Variants in RGSL1 observed in about 807,000 individuals in gnomAD.
RGSL1 encodes the protein regulator of G protein signaling like 1.
RGSL1 carries 97 observed loss-of-function variants against 124.7 expected under a neutral mutation model. The ratio of observed to expected loss-of-function variants is 0.78; its 90% CI spans 0.66 to 0.92. The LOEUF is 0.92. Ranked by LOEUF, RGSL1 falls within the 40% of genes least tolerant of loss-of-function variation. The pLI, the probability that RGSL1 is intolerant of heterozygous loss-of-function variation, is 0.00. For missense variants in RGSL1, 1,233 were observed against 1,288.4 expected, an observed-to-expected ratio of 0.96 and a Z score of 0.66; for synonymous variants, 424 against 438.1, an observed-to-expected ratio of 0.97 and a Z score of 0.40.
intron 9 of RGSL1, among the ~76,000 whole-genome samples, chr1:182,512,619 T>C (rs1489995777): frequency 6.6e-6 from 1 of 152,174 alleles, no homozygotes; most frequent in African/African-American, 2.4e-5. Context: ...AGTGCTGTTT[T>C]AGCTCTACCA....
intron 15 of RGSL1, among the ~76,000 whole-genome samples, chr1:182,546,569 T>C (rs1414387152): frequency 2.0e-5 from 3 of 152,118 alleles, no homozygotes; most frequent in African/African-American, 7.2e-5. Context: ...AATTTTTGTA[T>C]TTTTAGTAGG....
intron 3 of RGSL1, among the ~76,000 whole-genome samples, chr1:182,459,516 G>A (rs1202690010): frequency 6.6e-6 from 1 of 152,184 alleles, no homozygotes; most frequent in East Asian, 1.9e-4. Context: ...TCTGTGGCTT[G>A]ATCCTTCAGA....
intron 4 of RGSL1, among the ~76,000 whole-genome samples, chr1:182,469,791 A>G: frequency 6.6e-6 from 1 of 152,214 alleles, no homozygotes; most frequent in East Asian, 1.9e-4. Flanking sequence ...AAAATGTGAG[A>G]TTTTAAATAT....
In RGSL1 at chr1:182,543,467, C is replaced by T. The variant is rs528368264; in HGVS notation, c.2669+3046C>T. Among the ~76,000 whole-genome samples, 3 of 152,000 alleles carry T rather than the reference C, an allele frequency of 2.0e-5. No homozygotes were observed. The East Asian group carries it at 5.8e-4, about 29-fold the overall frequency. ...TTGGTTTGCTGGTATTTTGTTGAGG[C>T]TTTTTGCATCTGTGTTCATCAGTGA... On this transcript the variant is annotated intron_variant, in intron 15 of 21. Coordinates refer to ENST00000294854, the MANE Select transcript of RGSL1 (RefSeq NM_001137669.2).
intron 9 of RGSL1, among the ~76,000 whole-genome samples, chr1:182,508,729 C>T (rs1352611440): frequency 8.2e-6 from 1 of 121,652 alleles, no homozygotes; most frequent in Non-Finnish European, 1.7e-5. Flanking sequence ...GGGTGTTTCT[C>T]ACAGAGGGGG....
In RGSL1 at chr1:182,535,527, A is replaced by G. The variant is rs142969485; in HGVS notation, c.2494+2736A>G. 7.2e-3 allele frequency among the ~76,000 whole-genome samples: 1,099 copies of G among 152,284 alleles called. 14 individuals carry two copies. Among genetic ancestry groups the G allele is most frequent in the Middle Eastern group, 0.027 (8 of 294 alleles). On this transcript the variant is annotated intron_variant, in intron 14 of 21. Coordinates refer to ENST00000294854, the MANE Select transcript of RGSL1 (RefSeq NM_001137669.2). ...CTCCTAGGGAAGCATCCAGACCCTC[A>G]TCTACTCAAGGGCATTCATCCATTT... is the stretch of plus-strand genomic sequence containing the variant.
chr1:182,549,113 G>T, intron 17 of RGSL1: 1 of 286,868 alleles, frequency 3.5e-6, no homozygotes. Context: ...CTTAGGCCTG[G>T]GTTTCTCACA....
intron 9 of RGSL1, 42 bp from the exon 10 acceptor site, chr1:182,521,962 C>A: frequency 1.5e-6 from 2 of 1,301,596 alleles, no homozygotes; most frequent in Non-Finnish European, 2.1e-6. Context: ...CTTTTCATTG[C>A]TTATAATATA....
chr1:182,501,541 A>C (rs1245872020), intron 9 of RGSL1, among the ~76,000 whole-genome samples: 4 of 146,482 alleles, frequency 2.7e-5, no homozygotes, highest in East Asian at 4.0e-4. Flanking sequence ...ATGGTCTTGA[A>C]CTCCTGACCT....
chr1:182,527,843 C>A, intron 11 of RGSL1, 71 bp downstream of exon 11: 2 of 1,326,598 alleles, frequency 1.5e-6, no homozygotes, highest in South Asian at 1.5e-5. Flanking sequence ...GGGAAATAGC[C>A]TACCTCATGT....
intron 10 of RGSL1, among the ~76,000 whole-genome samples, chr1:182,526,821 A>G (rs143745040): frequency 7.9e-4 from 121 of 152,334 alleles, no homozygotes; most frequent in African/African-American, 2.7e-3. Context: ...CAATAAAATT[A>G]GAATAGAAGG....
chr1:182,501,302 C>CTTTTTTT (rs1656351321), intron 9 of RGSL1, among the ~76,000 whole-genome samples: 1 of 54,230 alleles, frequency 1.8e-5, no homozygotes, highest in Non-Finnish European at 3.7e-5. Flanking sequence ...TTTCTTTTTT[C>CTTTTTTT]TTTTCTTTTT....
At position 182,535,600 on chromosome 1, in the gene RGSL1, A is replaced by T. The variant is rs147464717; in HGVS notation, c.2494+2809A>T. 1.7e-4 allele frequency among the ~76,000 whole-genome samples: 26 copies of T among 152,272 alleles called. No homozygotes were observed. In the East Asian group the frequency reaches 2.3e-3, roughly 14 times the overall value. On this transcript the variant is annotated intron_variant, in intron 14 of 21. Coordinates refer to ENST00000294854, the MANE Select transcript of RGSL1 (RefSeq NM_001137669.2). Reference sequence around the variant, plus strand: ...TTTATTTTCTCTACTGGATTACTCAATCGGCACCAAATATGGCATAGTGCC... The same window carrying T: ...TTTATTTTCTCTACTGGATTACTCATTCGGCACCAAATATGGCATAGTGCC...
chr1:182,460,817 A>C (rs1022178503), intron 4 of RGSL1: 1 of 436,600 alleles, frequency 2.3e-6, no homozygotes, highest in Non-Finnish European at 4.6e-6. Context: ...GAAACTTTAG[A>C]CAGTAAATTG....
rs141279993 is a variant in RGSL1 at position 182,501,307 on chromosome 1, C to CTTTTTTTTTTTTTTTTT, written c.1825+8192_1825+8208dup. ...TTTCTTTTCTTTTCTTTTTTCTTTT[C>CTTTTTTTTTTTTTTTTT]TTTTTTTTTTTTTTTTTTTTTTTTT... On this transcript the variant is annotated intron_variant, in intron 9 of 21. Transcript: ENST00000294854. Among the ~76,000 whole-genome samples the CTTTTTTTTTTTTTTTTT allele has an allele frequency of 1.4e-3, 84 of 61,338 alleles. 1 individual carries two copies. The highest frequency in any genetic ancestry group is 5.3e-3 in the East Asian group (9 of 1,702). The allele number at this position is 61,338 out of a possible 152,430, so 40.2% of individuals were successfully genotyped here. A position where few individuals can be genotyped will look rare whatever the true frequency, so the allele number is the denominator to read the frequency against.
intron 21 of RGSL1, among the ~76,000 whole-genome samples, chr1:182,558,597 A>ACTTC (rs976820786): frequency 6.6e-6 from 1 of 152,092 alleles, no homozygotes; most frequent in Non-Finnish European, 1.5e-5. Flanking sequence ...TGGAGGTCTC[A>ACTTC]CTTCCTTCCT....
At chr1:182,485,516 T>C (rs890424407) in intron 6 of RGSL1, among the ~76,000 whole-genome samples, 2 of 152,208 alleles carry the variant, frequency 1.3e-5, no homozygotes, top group Non-Finnish European at 2.9e-5. Flanking sequence ...AGACACTCTA[T>C]ATGCAGCGCC....
chr1:182,532,787 G>A lies in RGSL1; in HGVS notation c.2490G>A (p.Lys830=). The change falls in exon 14 of 22, where the codon AAG becomes AAA. Residue 830 remains lysine (K), a synonymous_variant. Coordinates refer to ENST00000294854, the MANE Select transcript of RGSL1 (RefSeq NM_001137669.2). ...TTCACCAGGAAATGCAAAATAGCAA[G>A]GAAAGTAAGTCATTTCTGTATTTAC... is the stretch of plus-strand genomic sequence containing the variant. ...DYLHQEMQNS[K]ENFTTAHNTS... 1 of 1,549,860 alleles carries A rather than the reference G, an allele frequency of 6.5e-7. No homozygotes were observed. The highest frequency in any genetic ancestry group is 1.2e-5 in the South Asian group (1 of 83,954).
chr1:182,539,796 C>A (rs1211773036), intron 14 of RGSL1, among the ~76,000 whole-genome samples: 1 of 152,194 alleles, frequency 6.6e-6, no homozygotes, highest in Non-Finnish European at 1.5e-5. Flanking sequence ...TAGCTTTCTA[C>A]CCTCAGTTTC....
Sources: allele counts gnomAD v4.1 joint callset (sites outside exome capture counted in the v4.1 genomes callset), GRCh38; gene constraint gnomAD v4.1.1; transcripts MANE v1.5; gene names NCBI Gene and HGNC (gene_info 2026-07-23, HGNC 2026-07-21).